VPS35L: variants seen among roughly 807,000 people sequenced by gnomAD.
The protein encoded by VPS35L is VPS35 endosomal protein-sorting factor-like.
A neutral mutation model predicts 133.0 loss-of-function variants in VPS35L; 83 were observed. The observed-to-expected ratio is 0.62, with a 90% CI of 0.52 to 0.75. The LOEUF (loss-of-function observed/expected upper bound fraction) is 0.75, where lower values mean the gene tolerates loss of function less well. Among genes scored for constraint, VPS35L ranks in the 30% least tolerant of loss-of-function variants. The pLI, the probability that VPS35L is intolerant of heterozygous loss-of-function variation, is 0.00. For synonymous variants in VPS35L, 423 were observed against 449.9 expected (o/e 0.94, Z 0.76); for missense variants, 1,083 against 1,206.8 (o/e 0.90, Z 1.52).
At chr16:19,572,581 A>G (rs543455252) in intron 3 of VPS35L, among the ~76,000 whole-genome samples, 1 of 152,166 alleles carries the variant, frequency 6.6e-6, no homozygotes, top group Non-Finnish European at 1.5e-5. Context: ...ACTCTTTGAC[A>G]TTCTGATAGT....
intron 15 of VPS35L, among the ~76,000 whole-genome samples, chr16:19,627,187 G>A (rs1175168813): frequency 6.6e-6 from 1 of 151,730 alleles, no homozygotes. Flanking sequence ...GGAGGCTGAG[G>A]CAGGAGAATC....
rs563386913 is a variant in VPS35L, at chr16:19,627,586, C to T, written c.1272-108C>T. The T allele has an allele frequency of 6.9e-6, 6 of 863,326 alleles. No individual in the cohort carries two copies. The South Asian group carries it at 8.6e-5, about 12-fold the overall frequency. 53.5% of individuals were successfully genotyped at this position (863,326 alleles called of 1,614,324 possible). ...TCTGATTTTTTGTTTTTCCCCAACC[C>T]TACCGCTAAAGAGCTGTTAGTCTTC... On this transcript the variant is annotated intron_variant, in intron 15 of 30. Coordinates refer to ENST00000417362, the MANE Select transcript of VPS35L (RefSeq NM_020314.7).
intron 3 of VPS35L, among the ~76,000 whole-genome samples, chr16:19,570,873 A>ATTTT (rs1438392929): frequency 1.1e-4 from 6 of 56,868 alleles, no homozygotes; most frequent in African/African-American, 8.0e-4. Context: ...ATATATATAT[A>ATTTT]TATATATATA....
chr16:19,691,435 G>C lies in VPS35L; in HGVS notation c.2610G>C (p.Gln870His). 1 of 1,614,026 alleles carries C rather than the reference G, an allele frequency of 6.2e-7. No individual in the cohort carries two copies. Among genetic ancestry groups the C allele is most frequent in the Non-Finnish European group, 8.5e-7 (1 of 1,179,932 alleles). ...AGCTGTGTGAGACGGTGATGGCTCA[G>C]ATCCTAGAGCATCTGAAAACCCTGG... ...NNKLCETVMAQILEHLKTLAK... is the reference protein window; with the variant it reads ...NNKLCETVMAHILEHLKTLAK... Residue 870 changes from glutamine (Q) to histidine (H), a missense_variant, in exon 29 of 31, where the codon CAG (glutamine) becomes CAC (histidine). By Grantham distance (24) the Gln-to-His change is conservative. Coordinates refer to ENST00000417362, the MANE Select transcript of VPS35L (RefSeq NM_020314.7).
intron 28 of VPS35L, among the ~76,000 whole-genome samples, chr16:19,690,269 T>TA (rs1231468934): frequency 1.3e-5 from 2 of 152,090 alleles, no homozygotes; most frequent in East Asian, 1.9e-4. Context: ...GGTGTCTCTT[T>TA]CGTTGCCCAG....
At chr16:19,583,040 C>T (rs116223078) in intron 7 of VPS35L, among the ~76,000 whole-genome samples, 51 of 152,144 alleles carry the variant, frequency 3.4e-4, no homozygotes, top group African/African-American at 5.8e-4. Flanking sequence ...ATTTGCTATA[C>T]GGTAAAGTTT....
Position 19,619,921 on chromosome 16 carries a change from CTG to C in VPS35L, c.1224+3119_1224+3120del, listed in dbSNP as rs200007328. Among the ~76,000 whole-genome samples, 984 of 152,208 alleles carry C rather than the reference CTG, an allele frequency of 6.5e-3. 14 individuals are homozygous for C. The highest frequency in any genetic ancestry group is 0.022 in the African/African-American group (899 of 41,514). On this transcript the variant is annotated intron_variant, in intron 14 of 30. Transcript: ENST00000417362. ...GCTATGAGTCACCTGCAGAGTAGAA[CTG>C]TGTGTATCCATTAGAGGCCAAGACT...
At chr16:19,669,457 C>T (rs1299802005) in intron 27 of VPS35L, among the ~76,000 whole-genome samples, 158 bp downstream of exon 27, 1 of 152,024 alleles carries the variant, frequency 6.6e-6, no homozygotes, top group Non-Finnish European at 1.5e-5. Flanking sequence ...ATTTTCTATT[C>T]TTGCTGGGTG....
rs111582006 is a variant in VPS35L at position 19,560,588 on chromosome 16, G to A, written c.18-4263G>A. The stretch of plus-strand genomic sequence containing the variant: ...AGGTGGGTGGTTCACTTGAGGTCAG[G>A]ACTTCTAGACCAGCCTGGCCAAAAT... On this transcript the variant is annotated intron_variant, in intron 1 of 30. Coordinates refer to ENST00000417362, the MANE Select transcript of VPS35L (RefSeq NM_020314.7). 9.1e-3 allele frequency among the ~76,000 whole-genome samples: 1,379 copies of A among 152,214 alleles called. 18 individuals are homozygous for A. Among genetic ancestry groups the A allele is most frequent in the African/African-American group, 0.032 (1,312 of 41,526 alleles).
At chr16:19,605,519 C>G (rs1972513262) in intron 9 of VPS35L, among the ~76,000 whole-genome samples, 1 of 152,188 alleles carries the variant, frequency 6.6e-6, no homozygotes, top group Admixed American at 6.5e-5. Flanking sequence ...CTGGCTGCTC[C>G]CCTTTCTGCT....
At chr16:19,627,527 A>G (rs1024199075) in intron 15 of VPS35L, among the ~76,000 whole-genome samples, 167 bp from the exon 16 acceptor site, 1 of 152,198 alleles carries the variant, frequency 6.6e-6, no homozygotes, top group African/African-American at 2.4e-5. Flanking sequence ...TATGTACAGG[A>G]CACTGTGTTA....
chr16:19,591,900 G>A (rs1972056378), intron 8 of VPS35L, 26 bp downstream of exon 8: 1 of 1,514,800 alleles, frequency 6.6e-7, no homozygotes, highest in Admixed American at 1.7e-5. Flanking sequence ...ATGCATCTTA[G>A]ATCTAGGAAA....
chr16:19,632,864 A>G (rs1973500524), intron 18 of VPS35L, among the ~76,000 whole-genome samples: 1 of 152,274 alleles, frequency 6.6e-6, no homozygotes, highest in Non-Finnish European at 1.5e-5. Context: ...GTAAAGCCCC[A>G]GAACTTTTGA....
At chr16:19,679,173 T>C (rs1975171790) in intron 27 of VPS35L, among the ~76,000 whole-genome samples, 1 of 151,762 alleles carries the variant, frequency 6.6e-6, no homozygotes, top group African/African-American at 2.4e-5. Context: ...GCGGGGAGGT[T>C]CCCAGCTGAA....
rs1171296636 is a variant in VPS35L, at chr16:19,564,859, G to A, written c.26G>A (p.Arg9Lys). 6.2e-7 allele frequency: 1 copy of A among 1,613,208 alleles called. No homozygotes were observed. Among genetic ancestry groups the A allele is most frequent in the Admixed American group, 1.7e-5 (1 of 59,976 alleles). The change falls in exon 2 of 31, where the codon AGG (arginine) becomes AAG (lysine). Residue 9 changes from arginine to lysine, a missense_variant. Arg to Lys is a conservative substitution (Grantham distance 26, BLOSUM62 2). Transcript: ENST00000417362. ...GTTTCGCTGTTTACCAGGCACTCCA[G>A]GAATAGGAACTACAAAGCTGAATTT... is the stretch of plus-strand genomic sequence containing the variant. MAVFPWHS[R>K]NRNYKAEFAS...
chr16:19,699,319 CACTT>C lies in VPS35L; in HGVS notation c.2647-180_2647-177del. On this transcript the variant is annotated intron_variant, in intron 29 of 30. Coordinates refer to ENST00000417362, the MANE Select transcript of VPS35L (RefSeq NM_020314.7). This position sits in a 1 kb window ranked among gnomAD's most constrained non-coding sequence, Gnocchi z 4.2. ...CCCTTTGCAGGGGTGACCTTACTGT[CACTT>C]ACAGATGAAGCAGCTGGGACTTTGG... The C allele has an allele frequency of 1.5e-6, 1 of 661,920 alleles. No homozygotes were observed. The highest frequency in any genetic ancestry group is 2.5e-6 in the Non-Finnish European group (1 of 397,428). 41.0% of individuals were successfully genotyped at this position (661,920 alleles called of 1,614,324 possible).
intron 27 of VPS35L, among the ~76,000 whole-genome samples, chr16:19,674,931 A>G (rs1020717981): frequency 1.1e-4 from 16 of 151,502 alleles, no homozygotes; most frequent in African/African-American, 3.6e-4. Context: ...GTGCATGTGT[A>G]TAATGTTTTC....
chr16:19,628,015 A>G (rs992611469), intron 16 of VPS35L, among the ~76,000 whole-genome samples: 10 of 152,194 alleles, frequency 6.6e-5, no homozygotes, highest in African/African-American at 2.2e-4. Flanking sequence ...TGAGCCCTAA[A>G]TCTATCAGAT....
In VPS35L at chr16:19,646,159, G is replaced by A. The variant is rs181375825; in HGVS notation, c.1929+1210G>A. ...ACAGGGAGTGTGGTGTGGCACTGGC[G>A]TGGCACGATTGGGCTGGAGGATCCA... On this transcript the variant is annotated intron_variant, in intron 23 of 30. Coordinates refer to ENST00000417362, the MANE Select transcript of VPS35L (RefSeq NM_020314.7). Among the ~76,000 whole-genome samples the A allele has an allele frequency of 2.1e-3, 326 of 152,232 alleles. 1 individual carries two copies. The highest frequency in any genetic ancestry group is 2.3e-3 in the Non-Finnish European group (158 of 68,012).
Sources: allele counts gnomAD v4.1 joint callset (sites outside exome capture counted in the v4.1 genomes callset), GRCh38; gene constraint gnomAD v4.1.1; non-coding constraint Gnocchi (gnomAD v3.1); transcripts MANE v1.5; gene names NCBI Gene and HGNC (gene_info 2026-07-23, HGNC 2026-07-21).